The following DNAAF1 variants were observed in gnomAD, a reference collection of about 807,000 sequenced individuals.
DNAAF1 encodes the protein dynein axonemal assembly factor 1.
DNAAF1 carries 65 observed loss-of-function variants against 71.1 expected under a neutral mutation model. That is an observed-to-expected ratio of 0.91 (90% confidence interval 0.75 to 1.12). DNAAF1 has a LOEUF of 1.12. DNAAF1 is among the 50% of genes most tolerant of loss of function. DNAAF1 has a pLI of 0.00. For synonymous variants in DNAAF1, 414 were observed against 354.6 expected, an observed-to-expected ratio of 1.17 and a Z score of -1.88; for missense variants, 1,178 against 899.8, an observed-to-expected ratio of 1.31 and a Z score of -3.96.
chr16:84,158,292 G>A (rs2087539245), intron 5 of DNAAF1, among the ~76,000 whole-genome samples: 1 of 152,184 alleles, frequency 6.6e-6, no homozygotes, highest in South Asian at 2.1e-4. Flanking sequence ...GGGCAGGGCT[G>A]GGTTCTCCTG....
chr16:84,170,676 A>G (rs2088283842), intron 8 of DNAAF1, among the ~76,000 whole-genome samples: 3 of 152,086 alleles, frequency 2.0e-5, no homozygotes, highest in Admixed American at 2.0e-4. Context: ...TACCAAAACT[A>G]CAAAAATTAG....
At chr16:84,146,142 G>A (rs1206987815) in intron 1 of DNAAF1, among the ~76,000 whole-genome samples, 7 of 151,832 alleles carry the variant, frequency 4.6e-5, no homozygotes, top group Non-Finnish European at 1.0e-4. Flanking sequence ...ACCAGACTCA[G>A]GCCCAGACAG....
chr16:84,148,576 T>C (rs992147939), intron 1 of DNAAF1, among the ~76,000 whole-genome samples: 3 of 148,700 alleles, frequency 2.0e-5, no homozygotes, highest in Non-Finnish European at 3.0e-5. Context: ...CATTTAAAGA[T>C]TACTGTTCTC....
intron 6 of DNAAF1, among the ~76,000 whole-genome samples, chr16:84,161,068 C>T (rs1366658810): frequency 6.6e-6 from 1 of 152,174 alleles, no homozygotes; most frequent in South Asian, 2.1e-4. Context: ...GGGTCTGACT[C>T]CCAAGCCAGC....
rs759831401 is a variant in DNAAF1 at position 84,155,713 on chromosome 16, G to A, written c.705G>A (p.Pro235=). ...LDLSHNKLSD[P]EILSILESMP... is the part of the protein sequence containing the mutation. ...TTTCGCACAACAAGCTGAGTGACCCGGAGATCCTGAGCATTCTGGAAAGCA... is the reference window on the plus strand; with the variant it reads ...TTTCGCACAACAAGCTGAGTGACCCAGAGATCCTGAGCATTCTGGAAAGCA... Residue 235 remains proline, a synonymous_variant, in exon 5 of 12, where the codon CCG becomes CCA. Coordinates refer to ENST00000378553, the MANE Select transcript of DNAAF1 (RefSeq NM_178452.6). The A allele has an allele frequency of 1.5e-5, 25 of 1,613,954 alleles. No individual in the cohort carries two copies. Among genetic ancestry groups the A allele is most frequent in the East Asian group, 2.2e-5 (1 of 44,890 alleles).
rs2088451860 is a variant in DNAAF1 at position 84,173,075 on chromosome 16, T to C, written c.1644+700T>C. On this transcript the variant is annotated intron_variant, in intron 9 of 11. Coordinates refer to ENST00000378553, the MANE Select transcript of DNAAF1 (RefSeq NM_178452.6). Reference sequence around the variant, plus strand: ...TCTGGGTACCTCTGACCTTATACCTTGGAGAGGTGGTCCCCTGCCCACTTC... The same window carrying C: ...TCTGGGTACCTCTGACCTTATACCTCGGAGAGGTGGTCCCCTGCCCACTTC... 12 of 987,130 alleles carry C rather than the reference T, an allele frequency of 1.2e-5. No individual in the cohort carries two copies. The South Asian group carries it at 1.9e-4, about 15-fold the overall frequency. 61.1% of individuals were successfully genotyped at this position (987,130 alleles called of 1,614,324 possible). A position where few individuals can be genotyped will look rare whatever the true frequency, so the allele number is the denominator to read the frequency against.
At chr16:84,175,610 T>G in intron 10 of DNAAF1, 1 of 368,848 alleles carries the variant, frequency 2.7e-6, no homozygotes, top group Non-Finnish European at 5.1e-6. Flanking sequence ...TCCCAGAGAG[T>G]CTGTGAAGGA....
chr16:84,146,441 G>T (rs562259902), intron 1 of DNAAF1, among the ~76,000 whole-genome samples: 10 of 152,130 alleles, frequency 6.6e-5, no homozygotes, highest in Non-Finnish European at 1.5e-4. Flanking sequence ...TCATGGCCAG[G>T]CACGGTGGCT....
intron 5 of DNAAF1, chr16:84,158,937 G>A (rs1191906092): frequency 2.7e-5 from 18 of 658,102 alleles, no homozygotes; most frequent in Non-Finnish European, 3.4e-5. Context: ...CACCATGTTG[G>A]CCAGGCTGGT....
chr16:84,176,684 A>G (rs926882226), intron 11 of DNAAF1: 1 of 346,856 alleles, frequency 2.9e-6, no homozygotes, highest in Admixed American at 3.8e-5. Context: ...GGGGACCACC[A>G]ACACCACTGC....
chr16:84,176,834 G>C (rs950470999), intron 11 of DNAAF1: 85 of 179,770 alleles, frequency 4.7e-4, no homozygotes, highest in Admixed American at 8.1e-4. Context: ...CACCAGGCAG[G>C]GACGGCAGCC....
At chr16:84,159,310 G>A in intron 5 of DNAAF1, 1 of 1,013,096 alleles carries the variant, frequency 9.9e-7, no homozygotes, top group Non-Finnish European at 1.2e-6. Context: ...GGGAAGAAAA[G>A]AAAACAATCA....
At chr16:84,150,384 G>C (rs962247978) in intron 3 of DNAAF1, 42 bp downstream of exon 3, 5 of 1,452,968 alleles carry the variant, frequency 3.4e-6, no homozygotes, top group Admixed American at 1.7e-5. Context: ...CAGGTGGAAA[G>C]ATTCTGTCTA....
intron 3 of DNAAF1, among the ~76,000 whole-genome samples, chr16:84,153,782 A>G (rs1377785932): frequency 6.6e-6 from 1 of 152,156 alleles, no homozygotes; most frequent in East Asian, 1.9e-4. Flanking sequence ...TGAAAAAGAG[A>G]ACAAAACAAG....
At chr16:84,150,616 C>CTTT (rs754336069) in intron 3 of DNAAF1, among the ~76,000 whole-genome samples, 64 of 130,350 alleles carry the variant, frequency 4.9e-4, no homozygotes, top group East Asian at 1.5e-3. Context: ...TCTTTTCTTT[C>CTTT]TTTTTTTTTT....
Position 84,154,688 on chromosome 16 carries a change from G to T in DNAAF1, c.464G>T (p.Cys155Phe), listed in dbSNP as rs138464261. The T allele has an allele frequency of 1.9e-6, 3 of 1,614,044 alleles. No individual in the cohort carries two copies. The highest frequency in any genetic ancestry group is 1.7e-6 in the Non-Finnish European group (2 of 1,180,044). ...ENLEAQTELR[C>F]LFLQMNLLRK... ...CTGGAGGCCCAAACTGAGTTGCGTT[G>T]CCTCTTCTTGCAAATGAACTTGCTC... The change falls in exon 4 of 12, where the codon TGC (cysteine) becomes TTC (phenylalanine). Residue 155 changes from cysteine (C) to phenylalanine (F), a missense_variant. Coordinates refer to ENST00000378553, the MANE Select transcript of DNAAF1 (RefSeq NM_178452.6).
chr16:84,175,360 A>G (rs1483577368), intron 10 of DNAAF1: 2 of 180,110 alleles, frequency 1.1e-5, no homozygotes, highest in Non-Finnish European at 2.4e-5. Context: ...TAGGGGAAGG[A>G]AATGAAAACA....
chr16:84,168,681 C>T (rs968286919), intron 7 of DNAAF1, among the ~76,000 whole-genome samples: 81 of 152,122 alleles, frequency 5.3e-4, no homozygotes, highest in African/African-American at 1.9e-3. Flanking sequence ...CATTTTCTTA[C>T]TGCATATATT....
intron 5 of DNAAF1, 136 bp from the exon 6 acceptor site, chr16:84,159,539 C>A: frequency 8.1e-7 from 1 of 1,234,834 alleles, no homozygotes; most frequent in Non-Finnish European, 1.1e-6. Context: ...CCCATCAAGT[C>A]ACCAGGACAG....
Sources: gnomAD v4.1 joint callset for allele counts (sites outside exome capture counted in the v4.1 genomes callset) on GRCh38, gnomAD v4.1.1 for gene constraint, MANE v1.5 for transcripts, NCBI Gene and HGNC (gene_info 2026-07-23, HGNC 2026-07-21) for gene names.